ZCWPW1: variants seen among roughly 807,000 people sequenced by gnomAD.
ZCWPW1 encodes zinc finger CW-type and PWWP domain containing 1.
A neutral mutation model predicts 81.3 loss-of-function variants in ZCWPW1; 56 were observed. The observed-to-expected ratio is 0.69, with a 90% confidence interval of 0.56 to 0.86. The LOEUF (loss-of-function observed/expected upper bound fraction) is 0.86. ZCWPW1 is among the 40% of genes least tolerant of loss of function. The probability of loss-of-function intolerance (pLI) is 0.00; values close to 1 mark genes in which losing one functional copy is unlikely to be tolerated. For synonymous variants in ZCWPW1, 250 were observed against 273.7 expected (o/e 0.91, Z 0.86); for missense variants, 650 against 769.8 (o/e 0.84, Z 1.84).
At chr7:100,409,565 A>T (rs199823238) in intron 8 of ZCWPW1, 21 bp from the exon 9 acceptor site, 1 of 1,550,032 alleles carries the variant, frequency 6.5e-7, no homozygotes, top group African/African-American at 1.4e-5. Flanking sequence ...AAAAAAATGA[A>T]ATAAGAGACT....
chr7:100,415,849 T>C (rs1795120310), intron 8 of ZCWPW1, 126 bp downstream of exon 8: 2 of 1,276,894 alleles, frequency 1.6e-6, no homozygotes, highest in Non-Finnish European at 1.1e-6. Flanking sequence ...CAGCATATTC[T>C]GCAACAAGCA....
intron 2 of ZCWPW1, among the ~76,000 whole-genome samples, chr7:100,423,617 T>C (rs1796748644): frequency 6.6e-6 from 1 of 152,204 alleles, no homozygotes; most frequent in Non-Finnish European, 1.5e-5. Flanking sequence ...ACGTTTCCTT[T>C]ATATTAAGGG....
chr7:100,410,018 C>T (rs1466397452), intron 8 of ZCWPW1, among the ~76,000 whole-genome samples: 1 of 152,210 alleles, frequency 6.6e-6, no homozygotes, highest in Non-Finnish European at 1.5e-5. Flanking sequence ...GTCACCAAAT[C>T]ACCAAGTTGC....
chr7:100,410,762 C>T (rs918983158), intron 8 of ZCWPW1, among the ~76,000 whole-genome samples: 1 of 152,206 alleles, frequency 6.6e-6, no homozygotes, highest in East Asian at 1.9e-4. Context: ...AAAAATGCCC[C>T]GTCTTCCACC....
intron 1 of ZCWPW1, among the ~76,000 whole-genome samples, chr7:100,427,715 A>T (rs1163730487): frequency 6.6e-6 from 1 of 150,766 alleles, no homozygotes; most frequent in Non-Finnish European, 1.5e-5. Flanking sequence ...AAAAAAAAAA[A>T]GCCCCAATTC....
intron 8 of ZCWPW1, 132 bp from the exon 9 acceptor site, chr7:100,409,676 G>A (rs1025147293): frequency 4.6e-5 from 29 of 637,220 alleles, no homozygotes; most frequent in African/African-American, 7.4e-5. Flanking sequence ...CAACCAGCCC[G>A]ATCCCTGACT....
At chr7:100,419,465 T>TG (rs1335717521) in intron 4 of ZCWPW1, among the ~76,000 whole-genome samples, 165 bp downstream of exon 4, 2 of 151,984 alleles carry the variant, frequency 1.3e-5, no homozygotes, top group African/African-American at 4.8e-5. Flanking sequence ...CATCAAAACA[T>TG]TTTTGACCTC....
At chr7:100,423,168 G>A (rs1488478286) in intron 2 of ZCWPW1, among the ~76,000 whole-genome samples, 1 of 152,192 alleles carries the variant, frequency 6.6e-6, no homozygotes, top group Non-Finnish European at 1.5e-5. Context: ...TTTGCCTAAA[G>A]ACTCAGTGTT....
chr7:100,420,533 G>C, intron 3 of ZCWPW1, 89 bp downstream of exon 3: 1 of 1,507,932 alleles, frequency 6.6e-7, no homozygotes, highest in Non-Finnish European at 9.2e-7. Context: ...AGAATATAGG[G>C]ACCCGTACCA....
chr7:100,414,150 CTA>C (rs1404206526), intron 8 of ZCWPW1, among the ~76,000 whole-genome samples: 1 of 152,178 alleles, frequency 6.6e-6, no homozygotes, highest in African/African-American at 2.4e-5. Context: ...CCTTATGTTA[CTA>C]TGTCATTATA....
At chr7:100,419,551 A>G (rs1270527788) in intron 4 of ZCWPW1, 79 bp downstream of exon 4, 9 of 1,518,762 alleles carry the variant, frequency 5.9e-6, no homozygotes, top group Non-Finnish European at 7.9e-6. Context: ...CCAGTGTGAA[A>G]AGACTCTGTT....
chr7:100,408,037 G>T (rs1485178007), intron 10 of ZCWPW1, among the ~76,000 whole-genome samples: 1 of 152,056 alleles, frequency 6.6e-6, no homozygotes, highest in East Asian at 1.9e-4. Flanking sequence ...TGCAACCTCT[G>T]CCTCCCGGAT....
rs754047881 is a variant in ZCWPW1, at chr7:100,403,780, G to GT, written c.1326dup (p.Gln443ThrfsTer37). On this transcript the variant is annotated frameshift_variant, in exon 15 of 18. Coordinates refer to ENST00000684423, the MANE Select transcript of ZCWPW1 (RefSeq NM_001386010.1). LOFTEE classifies it high-confidence loss of function. ...CCTGGGCTGTTCAAACCAGAGAGCTGTAAGTCTAGAACAGGAAAAGGAAGG... is the reference window on the plus strand; with the variant it reads ...CCTGGGCTGTTCAAACCAGAGAGCTGTTAAGTCTAGAACAGGAAAAGGAAGG... The GT allele has an allele frequency of 1.5e-5, 25 of 1,613,768 alleles. No individual in the cohort carries two copies. Among genetic ancestry groups the GT allele is most frequent in the Middle Eastern group, 1.6e-4 (1 of 6,082 alleles).
At chr7:100,423,679 A>G (rs1326751660) in intron 2 of ZCWPW1, among the ~76,000 whole-genome samples, 2 of 152,196 alleles carry the variant, frequency 1.3e-5, no homozygotes, top group Non-Finnish European at 2.9e-5. Context: ...ATCCCAAAAC[A>G]TATTTGCTCC....
intron 8 of ZCWPW1, among the ~76,000 whole-genome samples, chr7:100,411,088 T>C (rs181649371): frequency 1.2e-4 from 18 of 152,284 alleles, no homozygotes; most frequent in Admixed American, 1.2e-3. Context: ...ATTCACTATT[T>C]ATTTATCAAC....
intron 12 of ZCWPW1, among the ~76,000 whole-genome samples, chr7:100,406,449 T>C (rs1461282845): frequency 6.6e-6 from 1 of 151,882 alleles, no homozygotes; most frequent in African/African-American, 2.4e-5. Context: ...TTGGCTAAAC[T>C]GTAGAAAAAA....
At chr7:100,416,646 C>A (rs1331299951) in intron 6 of ZCWPW1, among the ~76,000 whole-genome samples, 190 bp from the exon 7 acceptor site, 1 of 152,114 alleles carries the variant, frequency 6.6e-6, no homozygotes, top group African/African-American at 2.4e-5. Context: ...TGAGAGAAAT[C>A]TATAGAAATA....
At chr7:100,406,663 G>C (rs1440223231) in intron 12 of ZCWPW1, 31 bp downstream of exon 12, 1 of 1,584,400 alleles carries the variant, frequency 6.3e-7, no homozygotes, top group African/African-American at 1.3e-5. Flanking sequence ...TGTTTTCTCT[G>C]TATCACAACA....
At chr7:100,426,174 C>A (rs1405949035) in intron 1 of ZCWPW1, among the ~76,000 whole-genome samples, 1 of 152,112 alleles carries the variant, frequency 6.6e-6, no homozygotes, top group African/African-American at 2.4e-5. Context: ...CCCAGACTCC[C>A]TGAGCCTCAA....
Sources: gnomAD v4.1 joint callset for allele counts (sites outside exome capture counted in the v4.1 genomes callset) on GRCh38, gnomAD v4.1.1 for gene constraint, MANE v1.5 for transcripts, NCBI Gene and HGNC (gene_info 2026-07-23, HGNC 2026-07-21) for gene names.